The following HDAC7 variants were observed in gnomAD, a reference collection of about 807,000 sequenced individuals.
HDAC7 encodes histone deacetylase 7, also known as histone deacetylase 7A.
A neutral mutation model predicts 115.5 loss-of-function variants in HDAC7; 26 were observed. The ratio of observed to expected loss-of-function variants is 0.23; its 90% CI spans 0.16 to 0.31. HDAC7 has a LOEUF of 0.31. Ranked by LOEUF, HDAC7 falls within the 10% of genes least tolerant of loss-of-function variation. The pLI, the probability that HDAC7 is intolerant of heterozygous loss-of-function variation, is 1.00. For missense variants in HDAC7, 1,068 were observed against 1,329.0 expected, an observed-to-expected ratio of 0.80 and a Z score of 3.05; for synonymous variants, 564 against 550.9, an observed-to-expected ratio of 1.02 and a Z score of -0.33.
intron 23 of HDAC7, 90 bp downstream of exon 23, chr12:47,785,662 T>C (rs1028112972): frequency 2.7e-6 from 4 of 1,486,736 alleles, no homozygotes; most frequent in Non-Finnish European, 3.6e-6. Context: ...TCCCACCCTG[T>C]CCCATCCCAT....
intron 1 of HDAC7, among the ~76,000 whole-genome samples, chr12:47,811,765 G>C (rs1171901771): frequency 3.3e-5 from 5 of 152,168 alleles, no homozygotes; most frequent in Non-Finnish European, 5.9e-5. Context: ...CCGCCCCCGG[G>C]TCTTCTTGGA....
At chr12:47,815,254 G>C (rs1428527511) in intron 1 of HDAC7, among the ~76,000 whole-genome samples, 1 of 152,154 alleles carries the variant, frequency 6.6e-6, no homozygotes. Flanking sequence ...GGACCCCAGA[G>C]GAAAGATCAG....
chr12:47,811,763 G>A (rs1390678077), intron 1 of HDAC7, among the ~76,000 whole-genome samples: 2 of 152,180 alleles, frequency 1.3e-5, no homozygotes, highest in Non-Finnish European at 2.9e-5. Context: ...CACCGCCCCC[G>A]GGTCTTCTTG....
In HDAC7 at chr12:47,793,437, T is replaced by A; in HGVS notation, c.1610A>T (p.Glu537Val). ...GAGGACTCGGGCCTGGCTGGCAGGCTCTGGGGCTGACAGTGAGGCAGGTGC... is the reference window on the plus strand; with the variant it reads ...GAGGACTCGGGCCTGGCTGGCAGGCACTGGGGCTGACAGTGAGGCAGGTGC... Reference protein sequence around the residue: ...PAAPASLSAPEPASQARVLSS... With the variant: ...PAAPASLSAPVPASQARVLSS... The change falls in exon 13 of 26, where the codon GAG becomes GTG. Residue 537 changes from glutamate (E) to valine (V), a missense_variant. Physicochemically the swap from Glu to Val is moderately radical, Grantham distance 121. This residue lies in a region of HDAC7 where 618 missense variants were observed against 701.5 expected (regional missense o/e 0.88). Transcript: ENST00000080059. This position sits in a 1 kb window ranked among gnomAD's most constrained non-coding sequence, Gnocchi z 4.5. 1 of 1,560,878 alleles carries A rather than the reference T, an allele frequency of 6.4e-7. No homozygotes were observed. Among genetic ancestry groups the A allele is most frequent in the South Asian group, 1.2e-5 (1 of 84,992 alleles).
chr12:47,789,103 G>C, intron 19 of HDAC7, 158 bp downstream of exon 19: 1 of 670,520 alleles, frequency 1.5e-6, no homozygotes. Flanking sequence ...TCCCAACTGT[G>C]ATGTGGGTGT....
rs1231839782 is a variant in HDAC7 at position 47,795,983 on chromosome 12, TCTC to T, written c.826_828del (p.Glu276del). 1.5e-5 allele frequency: 23 copies of T among 1,549,220 alleles called. No individual in the cohort carries two copies. The highest frequency in any genetic ancestry group is 2.0e-5 in the Admixed American group (1 of 50,968). ...GGCAAGGCGAACGGGGCCACAGAAG[TCTC>T]CTGCAGCCGCAGCCGCTGGCCCAAG... On this transcript the variant is annotated inframe_deletion, in exon 9 of 26. Coordinates refer to ENST00000080059, the MANE Select transcript of HDAC7 (RefSeq NM_015401.5). The surrounding 1 kb of genome is among the most constrained non-coding windows in gnomAD (Gnocchi z 4.3).
chr12:47,791,943 G>A lies in HDAC7; in HGVS notation c.1740C>T (p.His580=), dbSNP rs919513157. Residue 580 remains histidine, a synonymous_variant, in exon 14 of 26, where the codon CAC becomes CAT. Transcript: ENST00000080059. ...TCTGGATGCGGCCGGCGTGCTCCGGGTGCCTGCTGTTGTCACCGCAGGAGC... is the reference window on the plus strand; with the variant it reads ...TCTGGATGCGGCCGGCGTGCTCCGGATGCCTGCTGTTGTCACCGCAGGAGC... The part of the protein sequence containing the change: ...HQCSCGDNSR[H]PEHAGRIQSI... 3 of 1,611,156 alleles carry A rather than the reference G, an allele frequency of 1.9e-6. No homozygotes were observed. The highest frequency in any genetic ancestry group is 1.1e-5 in the South Asian group (1 of 90,620).
chr12:47,805,804 G>C (rs1264748726), intron 1 of HDAC7, among the ~76,000 whole-genome samples: 1 of 152,178 alleles, frequency 6.6e-6, no homozygotes, highest in Non-Finnish European at 1.5e-5. Flanking sequence ...AGCCAGGCCA[G>C]GCCAGACCAG....
At chr12:47,791,337 C>A (rs748111427) in intron 15 of HDAC7, 29 bp from the exon 16 acceptor site, 2 of 1,550,272 alleles carry the variant, frequency 1.3e-6, no homozygotes, top group African/African-American at 1.4e-5. Context: ...CCCACGTCAG[C>A]GTGAATACTC....
Position 47,785,497 on chromosome 12 carries a change from CAGTCT to C in HDAC7, c.2707-31_2707-27del. ...CTATAGAAAACAGTACATCAGCCACCAGTCTCTCAGGGACCCACAGGCCCAGCTCA... is the reference window on the plus strand; with the variant it reads ...CTATAGAAAACAGTACATCAGCCACCCTCAGGGACCCACAGGCCCAGCTCA... On this transcript the variant is annotated intron_variant, in intron 23 of 25. Transcript: ENST00000080059. The C allele has an allele frequency of 3.1e-6, 5 of 1,591,226 alleles. No individual in the cohort carries two copies. In the South Asian group the frequency reaches 5.7e-5, roughly 18 times the overall value.
chr12:47,802,729 G>A (rs1478368919), intron 1 of HDAC7, among the ~76,000 whole-genome samples: 1 of 152,104 alleles, frequency 6.6e-6, no homozygotes, highest in Non-Finnish European at 1.5e-5. Context: ...AGAAAGGGAG[G>A]AGCAGGCCTG....
chr12:47,787,148 A>G (rs936746401), intron 21 of HDAC7, among the ~76,000 whole-genome samples: 1 of 152,052 alleles, frequency 6.6e-6, no homozygotes, highest in Non-Finnish European at 1.5e-5. Flanking sequence ...ACACCCAGCT[A>G]CTCACTACTT....
At chr12:47,800,857 G>A (rs1944132906) in intron 2 of HDAC7, among the ~76,000 whole-genome samples, 1 of 152,230 alleles carries the variant, frequency 6.6e-6, no homozygotes, top group South Asian at 2.1e-4. Flanking sequence ...GATGGGCTCT[G>A]CCTGGAGCCC....
intron 16 of HDAC7, 52 bp from the exon 17 acceptor site, chr12:47,789,972 C>A (rs1943390722): frequency 7.1e-7 from 1 of 1,412,346 alleles, no homozygotes; most frequent in South Asian, 1.1e-5. Context: ...ACACAGGAGC[C>A]AGGGCCCAAG....
At chr12:47,800,258 G>A (rs1944098364) in intron 2 of HDAC7, among the ~76,000 whole-genome samples, 1 of 152,208 alleles carries the variant, frequency 6.6e-6, no homozygotes, top group African/African-American at 2.4e-5. Flanking sequence ...CCTGCTAGGG[G>A]CAGAGCTAGC....
chr12:47,797,355 T>A lies in HDAC7; in HGVS notation c.577+29A>T. On this transcript the variant is annotated intron_variant, in intron 6 of 25. Coordinates refer to ENST00000080059, the MANE Select transcript of HDAC7 (RefSeq NM_015401.5). The surrounding 1 kb of genome is among the most constrained non-coding windows in gnomAD (Gnocchi z 5.5). Reference sequence around the variant, plus strand: ...CGAGGCCCTTCCCCCTTCCTTTGCCTGAAAGGTCCGCCTGTTTGTTCAGCT... The same window carrying A: ...CGAGGCCCTTCCCCCTTCCTTTGCCAGAAAGGTCCGCCTGTTTGTTCAGCT... The A allele has an allele frequency of 6.4e-7, 1 of 1,573,272 alleles. No individual in the cohort carries two copies. The highest frequency in any genetic ancestry group is 1.1e-5 in the South Asian group (1 of 90,406).
At chr12:47,814,359 G>C (rs1944790123) in intron 1 of HDAC7, among the ~76,000 whole-genome samples, 1 of 152,214 alleles carries the variant, frequency 6.6e-6, no homozygotes, top group South Asian at 2.1e-4. Flanking sequence ...CCTGAGCCAA[G>C]TAAAGTAAAG....
rs980500240 is a variant in HDAC7, at chr12:47,798,512, AGGCACCT to A, written c.349+43_349+49del. On this transcript the variant is annotated intron_variant, in intron 4 of 25. Coordinates refer to ENST00000080059, the MANE Select transcript of HDAC7 (RefSeq NM_015401.5). The surrounding 1 kb of genome is among the most constrained non-coding windows in gnomAD (Gnocchi z 4.3). Reference sequence around the variant, plus strand: ...CCTCACAAGCCACACAGGCAGCCGCAGGCACCTGGCTGGTGGGGCTGGGCTGGGCTGG... The same window carrying A: ...CCTCACAAGCCACACAGGCAGCCGCAGGCTGGTGGGGCTGGGCTGGGCTGG... The A allele has an allele frequency of 1.3e-6, 2 of 1,542,134 alleles. No homozygotes were observed. The highest frequency in any genetic ancestry group is 1.8e-6 in the Non-Finnish European group (2 of 1,117,766).
intron 2 of HDAC7, among the ~76,000 whole-genome samples, chr12:47,800,091 C>T (rs149520269): frequency 6.6e-6 from 1 of 152,328 alleles, no homozygotes; most frequent in African/African-American, 2.4e-5. Context: ...AGCCTCCAGG[C>T]CCAAGCTGGC....
Sources: gnomAD v4.1 joint callset for allele counts (sites outside exome capture counted in the v4.1 genomes callset) on GRCh38, gnomAD v4.1.1 for gene constraint, gnomAD v4.1.1 regional missense constraint, Gnocchi (gnomAD v3.1) non-coding constraint, MANE v1.5 for transcripts, NCBI Gene and HGNC (gene_info 2026-07-23, HGNC 2026-07-21) for gene names.